The following RRM1 variants were observed in gnomAD, a reference collection of about 807,000 sequenced individuals.
RRM1 encodes the protein ribonucleoside-diphosphate reductase large subunit.
A neutral mutation model predicts 101.5 loss-of-function variants in RRM1; 19 were observed. The ratio of observed to expected loss-of-function variants is 0.19; its 90% CI spans 0.13 to 0.27. RRM1 has a LOEUF of 0.27. RRM1 is among the 10% of genes least tolerant of loss of function. The pLI, the probability that RRM1 is intolerant of heterozygous loss-of-function variation, is 1.00. For missense variants in RRM1, 500 were observed against 962.9 expected, an observed-to-expected ratio of 0.52 and a Z score of 6.36; for synonymous variants, 298 against 323.4, an observed-to-expected ratio of 0.92 and a Z score of 0.84.
At chr11:4,127,351 G>A in intron 14 of RRM1, 95 bp downstream of exon 14, 1 of 669,076 alleles carries the variant, frequency 1.5e-6, no homozygotes, top group South Asian at 3.6e-5. Flanking sequence ...CTAATTCCTG[G>A]AACCTGTGAA....
chr11:4,131,460 A>G (rs2094600230), intron 15 of RRM1, among the ~76,000 whole-genome samples: 1 of 152,252 alleles, frequency 6.6e-6, no homozygotes, highest in African/African-American at 2.4e-5. Context: ...AATGTAGGAA[A>G]GACAGGCTCT....
rs1213401827 is a variant in RRM1, at chr11:4,133,589, T to C, written c.1932T>C (p.Asp644=). The change falls in exon 17 of 19, where the codon GAT becomes GAC. Residue 644 remains aspartate, a synonymous_variant. Transcript: ENST00000300738. ...FQIVNPHLLK[D]LTERGLWHEE... ...TTGTAAATCCTCACTTATTGAAAGA[T>C]CTTACCGAGCGGGGCCTATGGCATG... 2 of 1,611,350 alleles carry C rather than the reference T, an allele frequency of 1.2e-6. No individual in the cohort carries two copies. Among genetic ancestry groups the C allele is most frequent in the East Asian group, 4.5e-5 (2 of 44,816 alleles).
chr11:4,107,641 C>A, intron 4 of RRM1, 106 bp downstream of exon 4: 3 of 670,802 alleles, frequency 4.5e-6, no homozygotes, highest in South Asian at 1.8e-5. Flanking sequence ...AATACTAATT[C>A]TGTTTCCTAC....
chr11:4,107,093 C>T (rs1402418406), intron 3 of RRM1, among the ~76,000 whole-genome samples: 3 of 152,042 alleles, frequency 2.0e-5, no homozygotes, highest in African/African-American at 2.4e-5. Flanking sequence ...CGGGTTTCAC[C>T]GTGTTAGCCA....
intron 7 of RRM1, among the ~76,000 whole-genome samples, chr11:4,112,740 T>C (rs912685993): frequency 6.6e-6 from 1 of 152,190 alleles, no homozygotes; most frequent in African/African-American, 2.4e-5. Context: ...TATAGCAGTT[T>C]ATATAAGAAA....
intron 14 of RRM1, among the ~76,000 whole-genome samples, chr11:4,128,532 A>G (rs1349697533): frequency 6.6e-6 from 1 of 152,252 alleles, no homozygotes. Context: ...AGTCATGTCC[A>G]TACTCAAGTG....
chr11:4,107,782 C>G (rs1475972632), intron 4 of RRM1, among the ~76,000 whole-genome samples: 1 of 152,122 alleles, frequency 6.6e-6, no homozygotes, highest in South Asian at 2.1e-4. Context: ...CTCAGTGGTA[C>G]TGTACTGTGC....
intron 8 of RRM1, 123 bp downstream of exon 8, chr11:4,118,584 A>T (rs556609302): frequency 2.1e-6 from 2 of 934,436 alleles, no homozygotes; most frequent in Admixed American, 2.4e-5. Context: ...CTAAATGGCT[A>T]TGTGACTTGG....
In RRM1 at chr11:4,094,904, G is replaced by C; in HGVS notation, c.-109G>C. Reference sequence around the variant, plus strand: ...CTCCAACTCCAGTTCTTTCCCCTGAGCAGCGCCTGGAACCTAACCCTTCCC... The same window carrying C: ...CTCCAACTCCAGTTCTTTCCCCTGACCAGCGCCTGGAACCTAACCCTTCCC... On this transcript the variant is annotated 5_prime_UTR_variant, in exon 1 of 19. Coordinates refer to ENST00000300738, the MANE Select transcript of RRM1 (RefSeq NM_001033.5). 1.7e-6 allele frequency: 2 copies of C among 1,181,512 alleles called. No individual in the cohort carries two copies. The highest frequency in any genetic ancestry group is 1.2e-6 in the Non-Finnish European group (1 of 810,556). 73.2% of individuals were successfully genotyped at this position (1,181,512 alleles called of 1,614,324 possible).
chr11:4,101,462 G>T (rs2094550778), intron 1 of RRM1, among the ~76,000 whole-genome samples: 1 of 150,936 alleles, frequency 6.6e-6, no homozygotes, highest in Non-Finnish European at 1.5e-5. Context: ...ATAGGCCCCT[G>T]CCACCATGCC....
chr11:4,111,070 G>C (rs375592540), intron 5 of RRM1, among the ~76,000 whole-genome samples: 1 of 152,038 alleles, frequency 6.6e-6, no homozygotes, highest in African/African-American at 2.4e-5. Flanking sequence ...AGTCTCTGCC[G>C]AAACAAAAGT....
chr11:4,107,139 G>A (rs372678321), intron 3 of RRM1, among the ~76,000 whole-genome samples: 44 of 152,256 alleles, frequency 2.9e-4, no homozygotes, highest in East Asian at 2.3e-3. Context: ...TGATCCACCC[G>A]CCTCGGCCTC....
intron 7 of RRM1, among the ~76,000 whole-genome samples, chr11:4,115,379 G>A (rs1013882917): frequency 6.6e-6 from 1 of 151,994 alleles, no homozygotes; most frequent in East Asian, 1.9e-4. Flanking sequence ...CTCACAGAAG[G>A]GGAGAAAGTG....
intron 16 of RRM1, among the ~76,000 whole-genome samples, chr11:4,133,026 A>T (rs1205401868): frequency 6.6e-6 from 1 of 152,188 alleles, no homozygotes; most frequent in Non-Finnish European, 1.5e-5. Context: ...CACTTTTGCA[A>T]ACGCCATATG....
At chr11:4,114,862 A>G (rs2094570549) in intron 7 of RRM1, among the ~76,000 whole-genome samples, 1 of 151,834 alleles carries the variant, frequency 6.6e-6, no homozygotes. Flanking sequence ...ACAGGCGTGC[A>G]CCACCACACC....
At chr11:4,124,752 A>T in intron 12 of RRM1, among the ~76,000 whole-genome samples, 1 of 152,074 alleles carries the variant, frequency 6.6e-6, no homozygotes, top group East Asian at 1.9e-4. Flanking sequence ...GCTGTGGCTC[A>T]CTGCAACCTC....
intron 12 of RRM1, among the ~76,000 whole-genome samples, chr11:4,126,394 A>G (rs1007903071): frequency 5.3e-5 from 8 of 152,178 alleles, no homozygotes; most frequent in Non-Finnish European, 1.0e-4. Flanking sequence ...TAATTATAAC[A>G]TAGTGTGATA....
intron 10 of RRM1, 115 bp downstream of exon 10, chr11:4,121,880 C>A: frequency 2.1e-6 from 2 of 963,666 alleles, no homozygotes; most frequent in Non-Finnish European, 3.1e-6. Context: ...CCACAGAAGG[C>A]ATTCTGAACA....
chr11:4,098,386 C>T (rs1236084072), intron 1 of RRM1, among the ~76,000 whole-genome samples: 1 of 145,370 alleles, frequency 6.9e-6, no homozygotes, highest in Non-Finnish European at 1.5e-5. Flanking sequence ...CCCTCCCTCC[C>T]CTCCCTCTCC....
Sources: gnomAD v4.1 joint callset for allele counts (sites outside exome capture counted in the v4.1 genomes callset) on GRCh38, gnomAD v4.1.1 for gene constraint, MANE v1.5 for transcripts, NCBI Gene and HGNC (gene_info 2026-07-23, HGNC 2026-07-21) for gene names.